The following STMN2 variants were observed in gnomAD, a reference collection of about 807,000 sequenced individuals.
The protein encoded by STMN2 is stathmin-2.
In STMN2, 2 loss-of-function variants were observed where a neutral mutation model predicts 24.1. That is an observed-to-expected ratio of 0.08 (90% CI 0.03 to 0.26). The LOEUF is 0.26. Among genes scored for constraint, STMN2 ranks in the 10% least tolerant of loss-of-function variants. The pLI is 1.00. For missense variants in STMN2, 114 were observed against 213.6 expected, an observed-to-expected ratio of 0.53 and a Z score of 2.91; for synonymous variants, 83 against 77.5, an observed-to-expected ratio of 1.07 and a Z score of -0.37.
chr8:79,631,046 A>G (rs932138936), intron 1 of STMN2, among the ~76,000 whole-genome samples: 2 of 152,222 alleles, frequency 1.3e-5, no homozygotes, highest in African/African-American at 4.8e-5. Flanking sequence ...ATCAGGGGAA[A>G]GAAAAAAAGG....
intron 2 of STMN2, among the ~76,000 whole-genome samples, chr8:79,640,541 C>T (rs553020629): frequency 4.6e-5 from 7 of 152,328 alleles, no homozygotes; most frequent in African/African-American, 1.7e-4. Context: ...GTGGCTCTAT[C>T]CCTGGCTCCT....
chr8:79,634,294 A>G (rs1809886244), intron 1 of STMN2, among the ~76,000 whole-genome samples: 1 of 150,900 alleles, frequency 6.6e-6, no homozygotes, highest in Admixed American at 6.6e-5. Flanking sequence ...CTGGGCCTTT[A>G]TAAGTGACAC....
chr8:79,647,243 A>G (rs758873303), intron 3 of STMN2, among the ~76,000 whole-genome samples: 4 of 152,296 alleles, frequency 2.6e-5, no homozygotes, highest in Middle Eastern at 3.4e-3. Context: ...GTAATTGCTA[A>G]TTATTTCTGA....
chr8:79,652,444 T>C (rs948158466), intron 3 of STMN2, among the ~76,000 whole-genome samples: 6 of 152,140 alleles, frequency 3.9e-5, no homozygotes, highest in Non-Finnish European at 5.9e-5. Flanking sequence ...TGGGCATGCA[T>C]GAGGTGGAGA....
chr8:79,662,610 T>G (rs1054113290), intron 4 of STMN2, among the ~76,000 whole-genome samples: 3 of 152,130 alleles, frequency 2.0e-5, no homozygotes, highest in Non-Finnish European at 4.4e-5. Context: ...AACAAATAAT[T>G]TTTAATTAGA....
intron 1 of STMN2, among the ~76,000 whole-genome samples, chr8:79,618,819 G>A (rs565309424): frequency 6.6e-6 from 1 of 152,310 alleles, no homozygotes; most frequent in South Asian, 2.1e-4. Flanking sequence ...TGCTGGTCAT[G>A]TGGAAATATA....
At chr8:79,658,993 G>A (rs929754805) in intron 4 of STMN2, among the ~76,000 whole-genome samples, 3 of 152,228 alleles carry the variant, frequency 2.0e-5, no homozygotes, top group Non-Finnish European at 2.9e-5. Flanking sequence ...TTTAGCCGTG[G>A]TTGAGAACCA....
At chr8:79,655,883 C>T (rs1266377672) in intron 4 of STMN2, among the ~76,000 whole-genome samples, 1 of 152,106 alleles carries the variant, frequency 6.6e-6, no homozygotes. Context: ...CTTTTCTGAG[C>T]AGTCAGTCAC....
At chr8:79,660,993 G>A (rs144663200) in intron 4 of STMN2, among the ~76,000 whole-genome samples, 1,623 of 152,148 alleles carry the variant, frequency 0.011, 33 homozygotes, top group African/African-American at 0.038. Context: ...TCCTTTTTAT[G>A]GCTGAGTAGT....
At chr8:79,625,528 T>A (rs960844743) in intron 1 of STMN2, among the ~76,000 whole-genome samples, 1 of 152,210 alleles carries the variant, frequency 6.6e-6, no homozygotes, top group Non-Finnish European at 1.5e-5. Flanking sequence ...TTAGACATAG[T>A]AAGAGCTCTA....
chr8:79,617,923 A>G (rs1342418956), intron 1 of STMN2, among the ~76,000 whole-genome samples: 1 of 152,202 alleles, frequency 6.6e-6, no homozygotes, highest in African/African-American at 2.4e-5. Flanking sequence ...TAATAATCCT[A>G]AGTAGGTTCT....
intron 1 of STMN2, among the ~76,000 whole-genome samples, chr8:79,622,118 G>C (rs561555154): frequency 6.6e-6 from 1 of 151,938 alleles, no homozygotes; most frequent in Non-Finnish European, 1.5e-5. Context: ...AGAGGTGGGC[G>C]TGGGTATCCA....
intron 3 of STMN2, among the ~76,000 whole-genome samples, 162 bp from the exon 4 acceptor site, chr8:79,654,709 A>T (rs562986259): frequency 1.3e-5 from 2 of 152,334 alleles, no homozygotes; most frequent in East Asian, 3.9e-4. Context: ...GCCACATTCT[A>T]TAGAAAACTC....
chr8:79,650,083 C>T (rs982964260), intron 3 of STMN2, among the ~76,000 whole-genome samples: 5 of 152,184 alleles, frequency 3.3e-5, no homozygotes, highest in African/African-American at 9.7e-5. Flanking sequence ...CGGAACGTCA[C>T]GTTGAACATC....
At chr8:79,647,024 T>C (rs1810233158) in intron 3 of STMN2, among the ~76,000 whole-genome samples, 2 of 152,072 alleles carry the variant, frequency 1.3e-5, no homozygotes, top group South Asian at 4.1e-4. Context: ...GTGTGCAAAC[T>C]CCATTATATA....
intron 3 of STMN2, among the ~76,000 whole-genome samples, chr8:79,647,092 C>G (rs1017810119): frequency 9.2e-5 from 14 of 152,182 alleles, no homozygotes; most frequent in Admixed American, 5.2e-4. Context: ...ACCTGGCCCA[C>G]GGGTTAGCAA....
At chr8:79,613,691 A>G in intron 1 of STMN2, 2 of 985,414 alleles carry the variant, frequency 2.0e-6, no homozygotes, top group Non-Finnish European at 2.4e-6. Flanking sequence ...GCTCTTGGTT[A>G]AGGATTAACC....
chr8:79,658,203 G>C (rs1806418157), intron 4 of STMN2, among the ~76,000 whole-genome samples: 1 of 152,182 alleles, frequency 6.6e-6, no homozygotes, highest in Non-Finnish European at 1.5e-5. Context: ...CAGAGGCTGA[G>C]ATGAAAGGAT....
intron 4 of STMN2, chr8:79,663,717 A>ATT: frequency 7.3e-7 from 1 of 1,367,578 alleles, no homozygotes; most frequent in South Asian, 1.4e-5. Flanking sequence ...GCATCTTAAA[A>ATT]TTTCAATTCA....
Sources: allele counts gnomAD v4.1 joint callset (sites outside exome capture counted in the v4.1 genomes callset), GRCh38; gene constraint gnomAD v4.1.1; transcripts MANE v1.5; gene names NCBI Gene and HGNC (gene_info 2026-07-23, HGNC 2026-07-21).